The following KTN1 variants were observed in gnomAD, a reference collection of about 807,000 sequenced individuals.
The protein encoded by KTN1 is kinectin.
KTN1 carries 130 observed loss-of-function variants against 222.5 expected under a neutral mutation model. The ratio of observed to expected loss-of-function variants is 0.58; its 90% CI spans 0.51 to 0.68. The LOEUF (loss-of-function observed/expected upper bound fraction) is 0.68. Among genes scored for constraint, KTN1 ranks in the 30% least tolerant of loss-of-function variants. KTN1 has a pLI of 0.00. For synonymous variants in KTN1, 512 were observed against 496.3 expected (o/e 1.03, Z -0.42); for missense variants, 1,508 against 1,500.4 (o/e 1.01, Z -0.08).
chr14:55,664,657 T>C (rs934881458), intron 33 of KTN1, among the ~76,000 whole-genome samples: 1 of 152,104 alleles, frequency 6.6e-6, no homozygotes, highest in Non-Finnish European at 1.5e-5. Flanking sequence ...TCCTGAAATA[T>C]ATAGCCCCCT....
At chr14:55,651,272 A>G in intron 24 of KTN1, 1 of 456,018 alleles carries the variant, frequency 2.2e-6, no homozygotes. Flanking sequence ...AAAAGATCAT[A>G]CTTTTCTAAT....
intron 1 of KTN1, among the ~76,000 whole-genome samples, chr14:55,610,771 T>TA (rs1385362297): frequency 6.6e-6 from 1 of 152,234 alleles, no homozygotes; most frequent in African/African-American, 2.4e-5. Flanking sequence ...AGCATCAATA[T>TA]CTAGAATCTC....
intron 29 of KTN1, among the ~76,000 whole-genome samples, chr14:55,657,321 G>T (rs1311740192): frequency 6.6e-6 from 1 of 150,612 alleles, no homozygotes; most frequent in Non-Finnish European, 1.5e-5. Context: ...GAGAAGTTAA[G>T]CATTTTTCGT....
At position 55,652,869 on chromosome 14, in the gene KTN1, C is replaced by T; in HGVS notation, c.2623C>T (p.Gln875Ter). ...TATCAGATTAAAAGGAAAAGAGGAA[C>T]AGATGAATACCATGAAGGCTGTTTT... Reference protein sequence around the residue: ...LQNLLKGKEEQMNTMKAVLEE... With the variant: ...LQNLLKGKEE The change falls in exon 26 of 44, where the codon CAG becomes TAG. Residue 875 changes from glutamine to a stop codon, truncating the protein, a stop_gained. Transcript: ENST00000395314. LOFTEE classifies it high-confidence loss of function. 6.2e-7 allele frequency: 1 copy of T among 1,604,994 alleles called. No homozygotes were observed. The highest frequency in any genetic ancestry group is 2.2e-5 in the East Asian group (1 of 44,700).
intron 24 of KTN1, 32 bp from the exon 25 acceptor site, chr14:55,651,858 A>T: frequency 7.1e-7 from 1 of 1,415,866 alleles, no homozygotes; most frequent in Non-Finnish European, 9.9e-7. Flanking sequence ...TGAAAGGATT[A>T]TTAATTGATT....
intron 15 of KTN1, 126 bp downstream of exon 15, chr14:55,640,568 T>C (rs1024510133): frequency 1.5e-6 from 1 of 660,850 alleles, no homozygotes; most frequent in Non-Finnish European, 2.6e-6. Context: ...CATCTTTGGC[T>C]GCATGATTTG....
intron 1 of KTN1, among the ~76,000 whole-genome samples, chr14:55,598,483 G>C (rs1008511237): frequency 1.4e-5 from 2 of 147,942 alleles, no homozygotes; most frequent in Non-Finnish European, 3.0e-5. Context: ...TCATACTCTG[G>C]TTGGAAAGAG....
chr14:55,628,413 G>A (rs1244985222), intron 6 of KTN1, among the ~76,000 whole-genome samples: 1 of 152,158 alleles, frequency 6.6e-6, no homozygotes, highest in Non-Finnish European at 1.5e-5. Context: ...ATTTATTTAT[G>A]GAGCTTCTTG....
intron 33 of KTN1, among the ~76,000 whole-genome samples, chr14:55,666,987 GGAAAA>G (rs2044837753): frequency 6.6e-6 from 1 of 151,860 alleles, no homozygotes; most frequent in African/African-American, 2.4e-5. Context: ...TAAATGCCAG[GGAAAA>G]TGTCCATATT....
chr14:55,666,248 T>C (rs1170945085), intron 33 of KTN1, among the ~76,000 whole-genome samples: 5 of 151,930 alleles, frequency 3.3e-5, no homozygotes, highest in African/African-American at 1.2e-4. Flanking sequence ...AAAATTGAAG[T>C]GTGTAGACCT....
intron 2 of KTN1, among the ~76,000 whole-genome samples, chr14:55,613,902 T>C (rs2140653721): frequency 6.6e-6 from 1 of 152,252 alleles, no homozygotes; most frequent in Admixed American, 6.5e-5. Context: ...AGAGAAAGTA[T>C]AGAGGAAATA....
intron 1 of KTN1, among the ~76,000 whole-genome samples, chr14:55,580,913 C>T (rs982191428): frequency 1.3e-5 from 2 of 152,186 alleles, no homozygotes; most frequent in Non-Finnish European, 2.9e-5. Context: ...TTCCCCGGCG[C>T]CCCTCCCGCT....
At chr14:55,649,722 T>A in intron 21 of KTN1, 54 bp from the exon 22 acceptor site, 3 of 1,018,362 alleles carry the variant, frequency 2.9e-6, no homozygotes, top group Non-Finnish European at 4.5e-6. Flanking sequence ...TTTCTATTTC[T>A]GACCCATTTC....
chr14:55,656,304 G>GTGTA (rs2043462302), intron 29 of KTN1, 172 bp downstream of exon 29: 4 of 572,436 alleles, frequency 7.0e-6, no homozygotes, highest in Admixed American at 3.3e-5. Context: ...CATAAAATGT[G>GTGTA]TGTATGTATG....
intron 1 of KTN1, among the ~76,000 whole-genome samples, chr14:55,611,074 C>G (rs1056988560): frequency 1.4e-4 from 21 of 152,052 alleles, no homozygotes; most frequent in African/African-American, 5.1e-4. Flanking sequence ...AAGTTCCTAA[C>G]TTGTAATTTA....
At chr14:55,639,364 T>C in intron 13 of KTN1, 142 bp downstream of exon 13, 9 of 152,236 alleles carry the variant, frequency 5.9e-5, no homozygotes, top group South Asian at 1.7e-4. Context: ...AACTTTTGCT[T>C]TTTTTTTTTT....
At chr14:55,667,875 A>T (rs1205675915) in intron 34 of KTN1, 1 of 151,308 alleles carries the variant, frequency 6.6e-6, no homozygotes, top group East Asian at 1.9e-4. Context: ...GTGAATGTGC[A>T]TGTGAGTTTC....
At chr14:55,651,016 A>G (rs1469187166) in intron 24 of KTN1, among the ~76,000 whole-genome samples, 1 of 151,968 alleles carries the variant, frequency 6.6e-6, no homozygotes, top group African/African-American at 2.4e-5. Flanking sequence ...AGAACAAAGT[A>G]CAAGTTTCAT....
chr14:55,654,533 C>T (rs1263824210), intron 28 of KTN1, among the ~76,000 whole-genome samples: 2 of 130,080 alleles, frequency 1.5e-5, no homozygotes, highest in African/African-American at 3.0e-5. Context: ...ATATTTCTGC[C>T]TTACATTTTT....
Sources: allele counts gnomAD v4.1 joint callset (sites outside exome capture counted in the v4.1 genomes callset), GRCh38; gene constraint gnomAD v4.1.1; transcripts MANE v1.5; gene names NCBI Gene and HGNC (gene_info 2026-07-23, HGNC 2026-07-21).